The following PROCR variants were observed in gnomAD, a reference collection of about 807,000 sequenced individuals.
PROCR encodes endothelial protein C receptor.
Under a neutral mutation model 24.2 loss-of-function variants are expected in PROCR, and 22 were observed. The observed-to-expected ratio is 0.91, with a 90% CI of 0.65 to 1.30. The LOEUF (loss-of-function observed/expected upper bound fraction) is 1.30. PROCR is among the 50% of genes most tolerant of loss of function. PROCR has a pLI of 0.00. For missense variants in PROCR, 288 were observed against 307.7 expected (o/e 0.94, Z 0.48); for synonymous variants, 137 against 139.2 (o/e 0.98, Z 0.11).
chr20:35,189,105 A>G (rs2086150896), intron 1 of PROCR, among the ~76,000 whole-genome samples: 1 of 152,216 alleles, frequency 6.6e-6, no homozygotes, highest in South Asian at 2.1e-4. Flanking sequence ...AGCGACGTTC[A>G]GGGAACAAGG....
intron 1 of PROCR, among the ~76,000 whole-genome samples, chr20:35,182,973 C>CAA (rs71333786): frequency 2.8e-4 from 31 of 110,734 alleles, no homozygotes; most frequent in Non-Finnish European, 4.5e-4. Flanking sequence ...GACTCCGTCT[C>CAA]AAAAAAAAAA....
intron 1 of PROCR, chr20:35,202,816 A>G (rs1256445437): frequency 6.6e-6 from 1 of 152,206 alleles, no homozygotes; most frequent in Non-Finnish European, 1.5e-5. Context: ...CAAAAAGGAT[A>G]TATAAAACCT....
At chr20:35,211,639 C>CA (rs570907271) in intron 1 of PROCR, among the ~76,000 whole-genome samples, 2 of 152,068 alleles carry the variant, frequency 1.3e-5, no homozygotes, top group Admixed American at 6.6e-5. Context: ...CAGAGTTACC[C>CA]AAAAAACAAA....
chr20:35,173,178 G>T (rs1434824754), intron 1 of PROCR, among the ~76,000 whole-genome samples: 4 of 152,098 alleles, frequency 2.6e-5, no homozygotes, highest in Non-Finnish European at 4.4e-5. Context: ...TCAACTCTGT[G>T]CCAGCCTCTT....
At position 35,205,752 on chromosome 20, in the gene PROCR, AATATATATATATATATATATATAT is replaced by A. The variant is rs200029202; in HGVS notation, c.95-10128_95-10105del. ...GGCAACAAGGACAAAACTCTGTCTA[AATATATATATATATATATATATAT>A]ATATATATATATGTATATATACACA... On this transcript the variant is annotated intron_variant, in intron 1 of 1. Coordinates refer to the PROCR transcript ENST00000634509. Among the ~76,000 whole-genome samples, 37 of 102,668 alleles carry A rather than the reference AATATATATATATATATATATATAT, an allele frequency of 3.6e-4. 3 individuals are homozygous for A. In the South Asian group the frequency reaches 9.6e-3, roughly 27 times the overall value. 67.4% of individuals were successfully genotyped at this position (102,668 alleles called of 152,430 possible).
upstream of PROCR, among the ~76,000 whole-genome samples, chr20:35,171,300 T>C (rs2085948707): frequency 6.6e-6 from 1 of 152,192 alleles, no homozygotes; most frequent in South Asian, 2.1e-4. Context: ...CATATACAAC[T>C]GAGCAAATAT....
chr20:35,201,155 C>G (rs1397820296), intron 1 of PROCR, among the ~76,000 whole-genome samples: 1 of 150,818 alleles, frequency 6.6e-6, no homozygotes, highest in Non-Finnish European at 1.5e-5. Flanking sequence ...ATTATTATCC[C>G]TAGATCAACA....
chr20:35,186,733 G>C (rs1176089343), intron 1 of PROCR, among the ~76,000 whole-genome samples: 1 of 151,904 alleles, frequency 6.6e-6, no homozygotes, highest in Non-Finnish European at 1.5e-5. Context: ...TGGATCACAA[G>C]GTCAGGAGAT....
At chr20:35,176,008 C>T (rs2086012036) in intron 2 of PROCR, among the ~76,000 whole-genome samples, 160 bp from the exon 3 acceptor site, 1 of 152,028 alleles carries the variant, frequency 6.6e-6, no homozygotes, top group Non-Finnish European at 1.5e-5. Flanking sequence ...AACCCCTCCT[C>T]ACAGCCCCAG....
At chr20:35,215,924 G>T in exon 2 of PROCR, 1 of 982,818 alleles carries the variant, frequency 1.0e-6, no homozygotes, top group Non-Finnish European at 1.2e-6. Flanking sequence ...CTGGCCGGGC[G>T]CAGTGGCTCA....
downstream of PROCR, among the ~76,000 whole-genome samples, chr20:35,178,507 G>GTTTTGTTTTGTTTTTTTTTTTTTTT (rs1272557859): frequency 2.9e-5 from 1 of 34,372 alleles, no homozygotes; most frequent in African/African-American, 1.8e-4. Context: ...TCAAGTCTCA[G>GTTTTGTTTTGTTTTTTTTTTTTTTT]TTTTTTTTTT....
At chr20:35,193,468 C>A (rs540645959) in intron 1 of PROCR, among the ~76,000 whole-genome samples, 1 of 152,318 alleles carries the variant, frequency 6.6e-6, no homozygotes, top group East Asian at 1.9e-4. Flanking sequence ...GCCACCGCAC[C>A]TGGCCTGCCC....
intron 1 of PROCR, among the ~76,000 whole-genome samples, chr20:35,187,125 A>G (rs2086135142): frequency 6.6e-6 from 1 of 152,100 alleles, no homozygotes; most frequent in Non-Finnish European, 1.5e-5. Context: ...ATCCCAGTTC[A>G]CTGCAGTCTC....
Position 35,174,613 on chromosome 20 carries a change from C to T in PROCR, c.71-89C>T, listed in dbSNP as rs1172469425. ...GTTTATGAAGGGTCGAGAAGGCGGG[C>T]GGCCAGCCTCGAGGTAGGGGGTTAT... On this transcript the variant is annotated intron_variant, in intron 1 of 3. Coordinates refer to ENST00000216968, the MANE Select transcript of PROCR (RefSeq NM_006404.5). 5.8e-6 allele frequency: 9 copies of T among 1,544,998 alleles called. No homozygotes were observed. In the East Asian group the frequency reaches 1.8e-4, roughly 31 times the overall value.
At chr20:35,189,741 C>T (rs761717996) in intron 1 of PROCR, among the ~76,000 whole-genome samples, 40 of 152,166 alleles carry the variant, frequency 2.6e-4, no homozygotes, top group Admixed American at 2.1e-3. Context: ...CTCAGACCAG[C>T]CAACACTTAG....
intron 1 of PROCR, among the ~76,000 whole-genome samples, chr20:35,213,198 T>C (rs1340942298): frequency 6.6e-6 from 1 of 152,144 alleles, no homozygotes; most frequent in East Asian, 1.9e-4. Context: ...TCAGGTATGG[T>C]GGCATGTGCC....
intron 2 of PROCR, among the ~76,000 whole-genome samples, chr20:35,175,576 C>T (rs1323827161): frequency 3.0e-5 from 2 of 66,544 alleles, no homozygotes; most frequent in Non-Finnish European, 5.4e-5. Context: ...CACCCCACCC[C>T]CCTTTTTTTT....
chr20:35,185,730 G>A (rs2086119760), intron 1 of PROCR, among the ~76,000 whole-genome samples: 1 of 152,156 alleles, frequency 6.6e-6, no homozygotes, highest in Admixed American at 6.5e-5. Context: ...TTGGGGACTT[G>A]GGGCAAAGAG....
In PROCR at chr20:35,174,940, G is replaced by A. The variant is rs755848435; in HGVS notation, c.309G>A (p.Glu103=). 23 of 1,571,778 alleles carry A rather than the reference G, an allele frequency of 1.5e-5. No individual in the cohort carries two copies. Among genetic ancestry groups the A allele is most frequent in the Non-Finnish European group, 1.8e-5 (21 of 1,160,130 alleles). The change falls in exon 2 of 4, where the codon GAG becomes GAA. Residue 103 remains glutamate (E), a synonymous_variant. Coordinates refer to ENST00000216968, the MANE Select transcript of PROCR (RefSeq NM_006404.5). ...FHGLVRLVHQ[E]RTLAFPLTIR... is the part of the protein sequence containing the mutation. ...GCCTCGTGCGCCTGGTGCACCAGGA[G>A]CGGACCTTGGCCTGTGAGTAGGCGC...
Sources: gnomAD v4.1 joint callset for allele counts (sites outside exome capture counted in the v4.1 genomes callset) on GRCh38, gnomAD v4.1.1 for gene constraint, MANE v1.5 for transcripts, NCBI Gene and HGNC (gene_info 2026-07-23, HGNC 2026-07-21) for gene names.